The following ATXN2L variants were observed in gnomAD, a reference collection of about 807,000 sequenced individuals.
ATXN2L encodes the protein ataxin-2-like protein.
ATXN2L carries 24 observed loss-of-function variants against 120.7 expected under a neutral mutation model. The observed-to-expected ratio is 0.20, with a 90% CI of 0.14 to 0.28. The LOEUF (loss-of-function observed/expected upper bound fraction) is 0.28, where lower values mean the gene tolerates loss of function less well. Among genes scored for constraint, ATXN2L ranks in the 10% least tolerant of loss-of-function variants. The pLI is 1.00. For missense variants in ATXN2L, 1,312 were observed against 1,432.3 expected, an observed-to-expected ratio of 0.92 and a Z score of 1.36; for synonymous variants, 653 against 568.1, an observed-to-expected ratio of 1.15 and a Z score of -2.13.
chr16:28,834,092 C>G lies in ATXN2L; in HGVS notation c.2053C>G (p.Pro685Ala). 1.2e-6 allele frequency: 2 copies of G among 1,614,030 alleles called. No individual in the cohort carries two copies. Among genetic ancestry groups the G allele is most frequent in the Non-Finnish European group, 1.7e-6 (2 of 1,179,988 alleles). The change falls in exon 16 of 22, where the codon CCG (proline) becomes GCG (alanine). Residue 685 changes from proline (P) to alanine (A), a missense_variant. Physicochemically the swap from Pro to Ala is conservative, Grantham distance 27. Coordinates refer to ENST00000336783, the MANE Select transcript of ATXN2L (RefSeq NM_007245.4). ...TAAATCCACCAGTACCCCAACTTCT[C>G]CGGGGCCCCGGACTCATTCAACTCC... ...VNKSTSTPTS[P>A]GPRTHSTPSI...
chr16:28,829,241 G>C (rs896811698), intron 6 of ATXN2L, among the ~76,000 whole-genome samples, 160 bp from the exon 7 acceptor site: 1 of 152,114 alleles, frequency 6.6e-6, no homozygotes, highest in Non-Finnish European at 1.5e-5. Flanking sequence ...GGCCTCAGGA[G>C]AGCCTCCTGC....
chr16:28,824,213 C>T (rs2050823207), intron 1 of ATXN2L: 1 of 1,071,456 alleles, frequency 9.3e-7, no homozygotes, highest in Non-Finnish European at 1.1e-6. Context: ...ACACCTAGGG[C>T]AGGGACTAGT....
chr16:28,826,616 G>C, intron 5 of ATXN2L: 1 of 583,242 alleles, frequency 1.7e-6, no homozygotes, highest in South Asian at 3.0e-5. Context: ...TCTGTGTTGT[G>C]GTTCTTCATA....
chr16:28,831,315 G>A (rs2054318003), intron 10 of ATXN2L, among the ~76,000 whole-genome samples: 2 of 150,130 alleles, frequency 1.3e-5, no homozygotes, highest in South Asian at 4.2e-4. Flanking sequence ...CAGTTGCTAA[G>A]TTTTGTTTTG....
At chr16:28,824,447 C>A (rs1020039516) in intron 1 of ATXN2L, 10 of 1,286,890 alleles carry the variant, frequency 7.8e-6, no homozygotes, top group Non-Finnish European at 1.0e-5. Flanking sequence ...CTGCGCTGTC[C>A]CCCAGCCCCG....
At position 28,825,610 on chromosome 16, in the gene ATXN2L, A is replaced by G. The variant is rs1260563658; in HGVS notation, c.337-14A>G. On this transcript the variant is annotated splice_polypyrimidine_tract_variant and intron_variant, in intron 2 of 21. Transcript: ENST00000336783. ...GATTACTCCTTTAATTCTCCCTCTT[A>G]TGTTAACTGACAGGTGTTTGAAGGC... 19 of 1,612,526 alleles carry G rather than the reference A, an allele frequency of 1.2e-5. No individual in the cohort carries two copies. Among genetic ancestry groups the G allele is most frequent in the Non-Finnish European group, 1.5e-5 (18 of 1,178,640 alleles).
chr16:28,833,950 G>C, intron 15 of ATXN2L, 115 bp from the exon 16 acceptor site: 5 of 1,207,714 alleles, frequency 4.1e-6, no homozygotes, highest in Non-Finnish European at 5.9e-6. Flanking sequence ...ATCAAGATAA[G>C]TGCAGAATAT....
chr16:28,835,166 C>G lies in ATXN2L; in HGVS notation c.2542C>G (p.Pro848Ala). The G allele has an allele frequency of 6.2e-7, 1 of 1,612,778 alleles. No individual in the cohort carries two copies. The highest frequency in any genetic ancestry group is 1.1e-5 in the South Asian group (1 of 90,880). ...CCCTCAGTACCCTTCTGCAGAGCAGCCTACCCCCCAAGCCCTTTATGGTGA... is the reference window on the plus strand; with the variant it reads ...CCCTCAGTACCCTTCTGCAGAGCAGGCTACCCCCCAAGCCCTTTATGGTGA... ...STPQYPSAEQ[P>A]TPQALYATVH... Residue 848 changes from proline (P) to alanine (A), a missense_variant, in exon 19 of 22, where the codon CCT becomes GCT. Pro to Ala is a conservative substitution (Grantham distance 27). Transcript: ENST00000336783.
chr16:28,824,587 G>A, intron 1 of ATXN2L: 1 of 1,264,874 alleles, frequency 7.9e-7, no homozygotes, highest in Non-Finnish European at 1.0e-6. Flanking sequence ...GGGATGGGGT[G>A]TGGAGGGGAT....
At chr16:28,826,523 C>T (rs1017563965) in intron 5 of ATXN2L, 133 bp downstream of exon 5, 4 of 1,021,186 alleles carry the variant, frequency 3.9e-6, no homozygotes, top group African/African-American at 3.2e-5. Context: ...GCTTTAATGC[C>T]TTTTTTTTCC....
intron 7 of ATXN2L, 140 bp from the exon 8 acceptor site, chr16:28,829,718 C>G: frequency 2.2e-6 from 2 of 900,030 alleles, no homozygotes; most frequent in Non-Finnish European, 3.5e-6. Flanking sequence ...GGGATGCAGT[C>G]GGTGCCCGTT....
chr16:28,830,799 T>C lies in ATXN2L; in HGVS notation c.1210+9T>C. On this transcript the variant is annotated intron_variant, in intron 9 of 21. Transcript: ENST00000336783. ...CCGTGGTATCAATGGAGGTGAGTTA[T>C]GAGGTGACTTTGAGGAAGAGGGCAG... 6.3e-7 allele frequency: 1 copy of C among 1,583,800 alleles called. No individual in the cohort carries two copies. Among genetic ancestry groups the C allele is most frequent in the South Asian group, 1.1e-5 (1 of 87,722 alleles).
At position 28,837,221 on chromosome 16, in the gene ATXN2L, A is replaced by G. The variant is rs1961340178; in HGVS notation, c.*956A>G. On this transcript the variant is annotated 3_prime_UTR_variant, in exon 22 of 22. Transcript: ENST00000336783. ...TTAAAAAATAAATAAAAAAAATAAAATTTTAAACTAACTTAACCTGCCTGG... is the reference window on the plus strand; with the variant it reads ...TTAAAAAATAAATAAAAAAAATAAAGTTTTAAACTAACTTAACCTGCCTGG... The G allele has an allele frequency of 5.8e-6, 1 of 173,614 alleles. No homozygotes were observed. Among genetic ancestry groups the G allele is most frequent in the Non-Finnish European group, 1.2e-5 (1 of 84,586 alleles). 10.8% of individuals were successfully genotyped at this position (173,614 alleles called of 1,614,324 possible). A position where few individuals can be genotyped will look rare whatever the true frequency, so the allele number is the denominator to read the frequency against.
chr16:28,837,024 A>C lies in ATXN2L; in HGVS notation c.*759A>C. On this transcript the variant is annotated 3_prime_UTR_variant, in exon 22 of 22. Coordinates refer to ENST00000336783, the MANE Select transcript of ATXN2L (RefSeq NM_007245.4). ...CCCAGTCTTGCCCTCCCATCCTCTC[A>C]TCTATTCCCCCGCTGGAGACGGAAG... 9 of 663,216 alleles carry C rather than the reference A, an allele frequency of 1.4e-5. No homozygotes were observed. Among genetic ancestry groups the C allele is most frequent in the South Asian group, 1.5e-5 (1 of 65,498 alleles). 41.1% of individuals were successfully genotyped at this position (663,216 alleles called of 1,614,324 possible). A position where few individuals can be genotyped will look rare whatever the true frequency, so the allele number is the denominator to read the frequency against.
In ATXN2L at chr16:28,835,397, C is replaced by A; in HGVS notation, c.2683C>A (p.Gln895Lys). The A allele has an allele frequency of 5.0e-6, 8 of 1,612,768 alleles. No homozygotes were observed. The highest frequency in any genetic ancestry group is 6.8e-6 in the Non-Finnish European group (8 of 1,179,912). The change falls in exon 20 of 22, where the codon CAG becomes AAG. Residue 895 changes from glutamine to lysine, a missense_variant and splice_region_variant. By Grantham distance (53) the Gln-to-Lys change is moderately conservative. Transcript: ENST00000336783. ...QSQHAAPSPV[Q>K]HQAGQAPHLG... is the part of the protein sequence containing the mutation. ...CCAGCATGCGGCCCCCAGTCCTGTCCAGGTGCCTGCCATGGGGGGTGCTGA... is the reference window on the plus strand; with the variant it reads ...CCAGCATGCGGCCCCCAGTCCTGTCAAGGTGCCTGCCATGGGGGGTGCTGA...
In ATXN2L at chr16:28,825,456, T is replaced by C. The variant is rs9929726; in HGVS notation, c.336+54T>C. 353 of 1,593,802 alleles carry C rather than the reference T, an allele frequency of 2.2e-4. 1 individual carries two copies. In the African/African-American group the frequency reaches 3.9e-3, roughly 18 times the overall value. On this transcript the variant is annotated intron_variant, in intron 2 of 21. Transcript: ENST00000336783. ...ATACATAGACCTAAAAGATGCATAA[T>C]GTGGGAATATAGGGCACATTAGGTC...
chr16:28,831,962 G>T (rs554471611), intron 10 of ATXN2L, among the ~76,000 whole-genome samples: 1 of 152,194 alleles, frequency 6.6e-6, no homozygotes, highest in Non-Finnish European at 1.5e-5. Flanking sequence ...AACTGAGCTT[G>T]CCTTGCTGCG....
At chr16:28,826,120 T>C in intron 4 of ATXN2L, 120 bp from the exon 5 acceptor site, 1 of 1,208,386 alleles carries the variant, frequency 8.3e-7, no homozygotes, top group Non-Finnish European at 1.2e-6. Context: ...GGATGTAGTG[T>C]TGTGAAAAGT....
Position 28,825,364 on chromosome 16 carries a change from A to G in ATXN2L, c.300-2A>G. On this transcript the variant is annotated splice_acceptor_variant, in intron 1 of 21. Coordinates refer to ENST00000336783, the MANE Select transcript of ATXN2L (RefSeq NM_007245.4). LOFTEE classifies it high-confidence loss of function. ...TAAGTAATTTCTTGTTTTCTTTTAT[A>G]GGGGACAGAGCACAGGAAAGGGACC... 6.2e-7 allele frequency: 1 copy of G among 1,613,882 alleles called. No individual in the cohort carries two copies. Among genetic ancestry groups the G allele is most frequent in the Non-Finnish European group, 8.5e-7 (1 of 1,179,850 alleles).
Sources: allele counts gnomAD v4.1 joint callset (sites outside exome capture counted in the v4.1 genomes callset), GRCh38; gene constraint gnomAD v4.1.1; transcripts MANE v1.5; gene names NCBI Gene and HGNC (gene_info 2026-07-23, HGNC 2026-07-21).